Variants in LMTK2 observed in about 807,000 individuals in gnomAD.
LMTK2 encodes the protein lemur tail kinase 2.
A neutral mutation model predicts 127.5 loss-of-function variants in LMTK2; 37 were observed. The observed-to-expected ratio is 0.29, with a 90% CI of 0.22 to 0.38. LMTK2 has a LOEUF of 0.38. Among genes scored for constraint, LMTK2 ranks in the 10% least tolerant of loss-of-function variants. LMTK2 has a pLI of 1.00. For missense variants in LMTK2, 1,694 were observed against 1,920.3 expected (o/e 0.88, Z 2.20); for synonymous variants, 819 against 810.1 (o/e 1.01, Z -0.19).
intron 6 of LMTK2, among the ~76,000 whole-genome samples, chr7:98,167,934 G>A (rs1482715207): frequency 6.6e-6 from 1 of 152,142 alleles, no homozygotes; most frequent in African/African-American, 2.4e-5. Flanking sequence ...TGAAGAACAT[G>A]TTTAAGCAAG....
chr7:98,205,471 C>T lies in LMTK2; in HGVS notation c.4491C>T (p.Ser1497=), dbSNP rs778218453. Residue 1497 remains serine, a synonymous_variant, in exon 14 of 14, where the codon AGC becomes AGT. Coordinates refer to ENST00000297293, the MANE Select transcript of LMTK2 (RefSeq NM_014916.4). Reference sequence around the variant, plus strand: ...TTCCTCTCTCCTCAACAGGAAGCAGCGAAGACGGAGAAAAGGACTAGGTGG... The same window carrying T: ...TTCCTCTCTCCTCAACAGGAAGCAGTGAAGACGGAGAAAAGGACTAGGTGG... The part of the protein sequence containing the change: ...TDSDIEQGGS[S]EDGEKD 4.8e-5 allele frequency: 77 copies of T among 1,613,372 alleles called. No homozygotes were observed. The highest frequency in any genetic ancestry group is 4.0e-4 in the Admixed American group (24 of 60,010).
At chr7:98,169,420 C>T (rs1231780570) in intron 6 of LMTK2, among the ~76,000 whole-genome samples, 1 of 152,242 alleles carries the variant, frequency 6.6e-6, no homozygotes, top group Non-Finnish European at 1.5e-5. Context: ...GCCACGCCCG[C>T]TCTGCGCTTC....
intron 1 of LMTK2, among the ~76,000 whole-genome samples, chr7:98,123,864 A>G (rs1006958623): frequency 4.6e-5 from 7 of 151,698 alleles, no homozygotes; most frequent in African/African-American, 1.7e-4. Flanking sequence ...ACTTCTGTTG[A>G]TCTTTTTGTC....
intron 9 of LMTK2, among the ~76,000 whole-genome samples, chr7:98,189,036 T>G (rs1240544548): frequency 6.6e-6 from 1 of 152,192 alleles, no homozygotes; most frequent in African/African-American, 2.4e-5. Context: ...ACTGGGTGAT[T>G]TCAAACAACC....
At chr7:98,205,091 G>T (rs1187452197) in intron 13 of LMTK2, among the ~76,000 whole-genome samples, 6 of 152,166 alleles carry the variant, frequency 3.9e-5, no homozygotes, top group African/African-American at 1.4e-4. Context: ...CTCATTTTTT[G>T]ATTGGAAGTT....
chr7:98,195,338 G>A (rs139469259), intron 11 of LMTK2, among the ~76,000 whole-genome samples: 65 of 152,304 alleles, frequency 4.3e-4, no homozygotes, highest in Middle Eastern at 3.4e-3. Flanking sequence ...CAGCAGGAGC[G>A]TCTGTGGTCC....
intron 6 of LMTK2, among the ~76,000 whole-genome samples, chr7:98,164,983 G>A (rs1016147353): frequency 2.0e-5 from 3 of 152,210 alleles, no homozygotes; most frequent in Middle Eastern, 3.2e-3. Context: ...GCAGTTCGCA[G>A]TGGAGAAGGG....
chr7:98,195,736 G>C (rs1191355672), intron 11 of LMTK2, among the ~76,000 whole-genome samples: 1 of 152,158 alleles, frequency 6.6e-6, no homozygotes, highest in Non-Finnish European at 1.5e-5. Context: ...TCCAAGCACT[G>C]TTCCACCTCC....
intron 1 of LMTK2, among the ~76,000 whole-genome samples, chr7:98,122,676 TG>T (rs1250644145): frequency 7.6e-6 from 1 of 132,284 alleles, no homozygotes; most frequent in Non-Finnish European, 1.6e-5. Context: ...TAACTCTACA[TG>T]GTGTGTGTGT....
chr7:98,193,150 A>T lies in LMTK2; in HGVS notation c.2685A>T (p.Arg895=), dbSNP rs757526080. ...CTGGCGAGAGTGAGGAGACCCTGCG[A>T]CTCACCGAAAGTGACTCTGTTCTTG... ...DSPGESEETL[R]LTESDSVLAD... The change falls in exon 11 of 14, where the codon CGA becomes CGT. Residue 895 remains arginine (R), a synonymous_variant. Transcript: ENST00000297293. The surrounding 1 kb of genome is among the most constrained non-coding windows in gnomAD (Gnocchi z 4.1). 1 of 1,613,234 alleles carries T rather than the reference A, an allele frequency of 6.2e-7. No homozygotes were observed. The highest frequency in any genetic ancestry group is 1.7e-5 in the Admixed American group (1 of 59,974).
At chr7:98,169,442 T>A (rs1002447010) in intron 6 of LMTK2, among the ~76,000 whole-genome samples, 21 of 152,376 alleles carry the variant, frequency 1.4e-4, no homozygotes, top group African/African-American at 5.0e-4. Flanking sequence ...TCTGCCTTCA[T>A]GGCTGGGGTG....
rs1797566429 is a variant in LMTK2 at position 98,193,367 on chromosome 7, C to G, written c.2902C>G (p.Leu968Val). Residue 968 changes from leucine to valine, a missense_variant, in exon 11 of 14, where the codon CTC becomes GTC. This residue lies in a region of LMTK2 where 527 missense variants were observed against 539.8 expected (regional missense o/e 0.98). Coordinates refer to ENST00000297293, the MANE Select transcript of LMTK2 (RefSeq NM_014916.4). The surrounding 1 kb of genome is among the most constrained non-coding windows in gnomAD (Gnocchi z 4.1). ...AAAAGAAGCAGGCTTGGTGTCTGCC[C>G]TCTCCTCGGACTCAACCAGTCAGGA... ...AAKEAGLVSA[L>V]SSDSTSQDSL... The G allele has an allele frequency of 1.9e-6, 3 of 1,614,208 alleles. No individual in the cohort carries two copies. The highest frequency in any genetic ancestry group is 2.5e-6 in the Non-Finnish European group (3 of 1,180,036).
chr7:98,208,352 T>C lies in LMTK2; in HGVS notation c.*2860T>C, dbSNP rs1797840478. The C allele has an allele frequency of 6.6e-6, 1 of 152,232 alleles. No individual in the cohort carries two copies. The highest frequency in any genetic ancestry group is 2.1e-4 in the South Asian group (1 of 4,830). 9.4% of individuals were successfully genotyped at this position (152,232 alleles called of 1,614,324 possible). On this transcript the variant is annotated 3_prime_UTR_variant, in exon 14 of 14. Coordinates refer to ENST00000297293, the MANE Select transcript of LMTK2 (RefSeq NM_014916.4). Reference sequence around the variant, plus strand: ...TAAAAATTGCAGCCCATTTTTGAAATGTCAGCATGTGCTGTGTTCAGTTCA... The same window carrying C: ...TAAAAATTGCAGCCCATTTTTGAAACGTCAGCATGTGCTGTGTTCAGTTCA...
chr7:98,143,209 C>T (rs776098776), intron 3 of LMTK2, among the ~76,000 whole-genome samples: 3 of 152,120 alleles, frequency 2.0e-5, no homozygotes, highest in Non-Finnish European at 2.9e-5. Context: ...TATCCCTCTC[C>T]GTAGGAAGAA....
chr7:98,185,010 T>C, intron 7 of LMTK2, 41 bp from the exon 8 acceptor site: 2 of 1,419,614 alleles, frequency 1.4e-6, no homozygotes, highest in African/African-American at 2.8e-5. Context: ...TGATCCTGGT[T>C]GTTGATTCTT....
At position 98,206,635 on chromosome 7, in the gene LMTK2, C is replaced by G. The variant is rs556948489; in HGVS notation, c.*1143C>G. ...CGGGGAACTCAGGCAGACTCATCTCCGCAGAGCATACCAGCCGTGGGGGAC... is the reference window on the plus strand; with the variant it reads ...CGGGGAACTCAGGCAGACTCATCTCGGCAGAGCATACCAGCCGTGGGGGAC... On this transcript the variant is annotated 3_prime_UTR_variant, in exon 14 of 14. Transcript: ENST00000297293. The G allele has an allele frequency of 6.6e-6, 1 of 152,208 alleles. No individual in the cohort carries two copies. Among genetic ancestry groups the G allele is most frequent in the Non-Finnish European group, 1.5e-5 (1 of 68,058 alleles). The allele number at this position is 152,208 out of a possible 1,614,324, so 9.4% of individuals were successfully genotyped here.
At chr7:98,123,962 C>G (rs1253372537) in intron 1 of LMTK2, among the ~76,000 whole-genome samples, 1 of 152,078 alleles carries the variant, frequency 6.6e-6, no homozygotes, top group African/African-American at 2.4e-5. Context: ...TAGCCTCTTT[C>G]CTCTCATGAG....
intron 7 of LMTK2, among the ~76,000 whole-genome samples, chr7:98,174,904 G>T (rs751130871): frequency 6.6e-6 from 1 of 152,132 alleles, no homozygotes; most frequent in African/African-American, 2.4e-5. Context: ...GCTCACTACC[G>T]CCCCAGCAGG....
chr7:98,191,927 GA>G lies in LMTK2; in HGVS notation c.1463del (p.Glu488GlyfsTer44). 6.2e-7 allele frequency: 1 copy of G among 1,614,086 alleles called. No homozygotes were observed. Among genetic ancestry groups the G allele is most frequent in the Non-Finnish European group, 8.5e-7 (1 of 1,180,032 alleles). On this transcript the variant is annotated frameshift_variant, in exon 11 of 14. Transcript: ENST00000297293. LOFTEE classifies it high-confidence loss of function. ...WEAAKHDHFD[E>X]RSRGHLDEGL... ...GGCCGCTAAGCACGACCACTTTGAC[GA>G]GCGCAGCCGGGGCCACCTGGACGAA...
Sources: allele counts gnomAD v4.1 joint callset (sites outside exome capture counted in the v4.1 genomes callset), GRCh38; gene constraint gnomAD v4.1.1; regional missense constraint gnomAD v4.1.1; non-coding constraint Gnocchi (gnomAD v3.1); transcripts MANE v1.5; gene names NCBI Gene and HGNC (gene_info 2026-07-23, HGNC 2026-07-21).